ZNF892: variants seen among roughly 807,000 people sequenced by gnomAD.
ZNF892 encodes the protein zinc finger protein 892.
the ZNF892 span, among the ~76,000 whole-genome samples, chr2:95,206,564 G>A: frequency 1.3e-5 from 2 of 152,108 alleles, no homozygotes; most frequent in Non-Finnish European, 2.9e-5. Flanking sequence ...AAAGACAAAC[G>A]GTTACAAGAA....
At chr2:95,215,072 A>G in the ZNF892 span, 2 of 508,644 alleles carry the variant, frequency 3.9e-6, no homozygotes, top group Admixed American at 3.2e-5. Flanking sequence ...GCCAAAGCAC[A>G]TTCCTTACCC....
At chr2:95,255,367 GT>G in the ZNF892 span, among the ~76,000 whole-genome samples, 3 of 152,180 alleles carry the variant, frequency 2.0e-5, no homozygotes, top group Non-Finnish European at 2.9e-5. Context: ...AGGTTGTTCA[GT>G]TTCCATGTAG....
the ZNF892 span, among the ~76,000 whole-genome samples, chr2:95,207,343 G>A: frequency 1.3e-5 from 2 of 152,220 alleles, no homozygotes; most frequent in Non-Finnish European, 2.9e-5. Context: ...AGGGAGGAGC[G>A]GCCCTTCCAG....
the ZNF892 span, among the ~76,000 whole-genome samples, chr2:95,242,867 C>T: frequency 1.3e-5 from 2 of 152,054 alleles, no homozygotes; most frequent in African/African-American, 4.8e-5. Context: ...GTCTCCCTCT[C>T]ACTCTCTTTC....
the ZNF892 span, among the ~76,000 whole-genome samples, chr2:95,229,497 G>A: frequency 2.0e-5 from 3 of 152,172 alleles, no homozygotes; most frequent in Non-Finnish European, 4.4e-5. Context: ...GTGATCACTG[G>A]TTTGGTTTCT....
At chr2:95,233,763 G>C in the ZNF892 span, among the ~76,000 whole-genome samples, 2 of 150,050 alleles carry the variant, frequency 1.3e-5, no homozygotes, top group South Asian at 4.2e-4. Flanking sequence ...GCCTCCCAGA[G>C]TGCTGGGATT....
the ZNF892 span, among the ~76,000 whole-genome samples, chr2:95,249,700 G>A: frequency 6.6e-5 from 10 of 151,864 alleles, no homozygotes; most frequent in South Asian, 4.2e-4. Context: ...GTTCTTTTTC[G>A]TAATGTAATT....
chr2:95,228,857 C>T, the ZNF892 span, among the ~76,000 whole-genome samples: 2 of 152,092 alleles, frequency 1.3e-5, no homozygotes, highest in Non-Finnish European at 2.9e-5. Flanking sequence ...TAGAGTAAAC[C>T]TGCCTCCCAT....
the ZNF892 span, among the ~76,000 whole-genome samples, chr2:95,258,895 A>G: frequency 6.6e-6 from 1 of 152,200 alleles, no homozygotes; most frequent in Non-Finnish European, 1.5e-5. Flanking sequence ...GGAGAAAAAC[A>G]AACACATTTA....
chr2:95,256,907 G>A, the ZNF892 span, among the ~76,000 whole-genome samples: 512 of 152,206 alleles, frequency 3.4e-3, 7 homozygotes, highest in African/African-American at 0.011. Flanking sequence ...TTCTTGTGCC[G>A]TGGTTTTCAG....
the ZNF892 span, among the ~76,000 whole-genome samples, chr2:95,222,364 G>T: frequency 1.3e-4 from 20 of 152,300 alleles, no homozygotes; most frequent in East Asian, 2.7e-3. Flanking sequence ...GAGTGAAATG[G>T]TTAGGTCATA....
At chr2:95,250,457 G>A in the ZNF892 span, among the ~76,000 whole-genome samples, 1 of 150,466 alleles carries the variant, frequency 6.6e-6, no homozygotes. Flanking sequence ...ATGTCTGAGA[G>A]TTTTAAGAAT....
chr2:95,230,330 A>G, the ZNF892 span, among the ~76,000 whole-genome samples: 2 of 152,204 alleles, frequency 1.3e-5, no homozygotes, highest in Non-Finnish European at 2.9e-5. Context: ...GTACTTATCC[A>G]TGTAACCAAA....
chr2:95,259,995 G>A, the ZNF892 span, among the ~76,000 whole-genome samples: 1 of 152,192 alleles, frequency 6.6e-6, no homozygotes, highest in Non-Finnish European at 1.5e-5. Context: ...GGGGCTTCTT[G>A]TCAGAGCTTT....
At chr2:95,238,977 A>G in the ZNF892 span, among the ~76,000 whole-genome samples, 3 of 152,104 alleles carry the variant, frequency 2.0e-5, no homozygotes, top group Non-Finnish European at 4.4e-5. Context: ...CGTCTCTACT[A>G]AAAATACAAA....
At chr2:95,258,037 C>G in the ZNF892 span, among the ~76,000 whole-genome samples, 1 of 152,202 alleles carries the variant, frequency 6.6e-6, no homozygotes, top group Non-Finnish European at 1.5e-5. Context: ...ATGCCTCGCC[C>G]TGCTTTGGCT....
the ZNF892 span, among the ~76,000 whole-genome samples, chr2:95,221,854 C>T: frequency 3.9e-5 from 6 of 152,110 alleles, no homozygotes; most frequent in African/African-American, 7.2e-5. Context: ...CTATGTTTGA[C>T]GAAGATATTA....
At chr2:95,237,844 T>C in the ZNF892 span, among the ~76,000 whole-genome samples, 1 of 152,204 alleles carries the variant, frequency 6.6e-6, no homozygotes, top group East Asian at 1.9e-4. Flanking sequence ...GGATAGAAGA[T>C]CAAGCCAGCT....
the ZNF892 span, chr2:95,207,894 G>A: frequency 5.0e-6 from 2 of 398,596 alleles, no homozygotes; most frequent in Non-Finnish European, 8.8e-6. Context: ...AGGGAGAAAG[G>A]CTACCTCTGG....
Sources: allele counts gnomAD v4.1 joint callset (sites outside exome capture counted in the v4.1 genomes callset), GRCh38; gene constraint gnomAD v4.1.1; transcripts MANE v1.5; gene names NCBI Gene and HGNC (gene_info 2026-07-23, HGNC 2026-07-21).